Variants in CNOT1 observed in about 807,000 individuals in gnomAD.
CNOT1 encodes the protein CCR4-NOT transcription complex subunit 1.
A neutral mutation model predicts 273.8 loss-of-function variants in CNOT1; 15 were observed. The ratio of observed to expected loss-of-function variants is 0.05; its 90% confidence interval spans 0.04 to 0.08. The LOEUF (loss-of-function observed/expected upper bound fraction) is 0.08, where lower values mean the gene tolerates loss of function less well. Ranked by LOEUF, CNOT1 falls within the 10% of genes least tolerant of loss-of-function variation. The pLI is 1.00. For synonymous variants in CNOT1, 1,022 were observed against 1,005.5 expected, an observed-to-expected ratio of 1.02 and a Z score of -0.31; for missense variants, 1,644 against 2,912.2, an observed-to-expected ratio of 0.56 and a Z score of 10.02.
intron 22 of CNOT1, among the ~76,000 whole-genome samples, chr16:58,553,177 T>C (rs1345920579): frequency 6.6e-6 from 1 of 151,810 alleles, no homozygotes; most frequent in Non-Finnish European, 1.5e-5. Flanking sequence ...GAAGCTGAGG[T>C]GGGAGAATCA....
intron 1 of CNOT1, chr16:58,623,368 G>C (rs1157532440): frequency 6.6e-6 from 1 of 152,098 alleles, no homozygotes; most frequent in Non-Finnish European, 1.5e-5. Flanking sequence ...TTGACTGATA[G>C]CTTGGCAACT....
intron 19 of CNOT1, 111 bp downstream of exon 19, chr16:58,556,736 C>T: frequency 7.0e-7 from 1 of 1,425,730 alleles, no homozygotes; most frequent in Non-Finnish European, 9.2e-7. Context: ...GAATTTATTC[C>T]CATTGGTCTA....
chr16:58,604,093 TC>T (rs2042577579), intron 1 of CNOT1, among the ~76,000 whole-genome samples: 1 of 152,200 alleles, frequency 6.6e-6, no homozygotes, highest in Non-Finnish European at 1.5e-5. Flanking sequence ...ATACTGCTAG[TC>T]ATATACAACA....
intron 1 of CNOT1, among the ~76,000 whole-genome samples, chr16:58,618,512 G>A (rs2043177119): frequency 6.6e-6 from 1 of 151,960 alleles, no homozygotes; most frequent in Admixed American, 6.6e-5. Context: ...GAACCCAGGA[G>A]GCAGATGTTG....
In CNOT1 at chr16:58,586,436, AGGGCAGGGAGGAGGGGAGGGTGAGGGG is replaced by A. The variant is rs2041874465; in HGVS notation, c.637+82_637+108del. On this transcript the variant is annotated intron_variant, in intron 7 of 48. Coordinates refer to ENST00000317147, the MANE Select transcript of CNOT1 (RefSeq NM_016284.5). The stretch of plus-strand genomic sequence containing the variant: ...GGGAGGGCAGGGAGGAGGGGAGGGG[AGGGCAGGGAGGAGGGGAGGGTGAGGGG>A]AGGGGAGGGGGGAATGCTTTTGTGA... 5.8e-4 allele frequency: 55 copies of A among 94,694 alleles called. 6 individuals carry two copies. Among genetic ancestry groups the A allele is most frequent in the Non-Finnish European group, 8.8e-4 (45 of 51,192 alleles). 5.9% of individuals were successfully genotyped at this position (94,694 alleles called of 1,614,324 possible).
At chr16:58,538,944 T>A (rs748849861) in intron 35 of CNOT1, 30 bp from the exon 36 acceptor site, 2 of 1,605,858 alleles carry the variant, frequency 1.2e-6, no homozygotes, top group Non-Finnish European at 8.5e-7. Flanking sequence ...TTCAAAACCA[T>A]GAAAAATACA....
At chr16:58,561,971 T>C (rs1477830273) in intron 16 of CNOT1, among the ~76,000 whole-genome samples, 1 of 151,792 alleles carries the variant, frequency 6.6e-6, no homozygotes, top group East Asian at 1.9e-4. Context: ...AGTCAGAAAC[T>C]CAGGTCAGAA....
chr16:58,596,572 G>A (rs1370524500), intron 2 of CNOT1, among the ~76,000 whole-genome samples: 2 of 151,936 alleles, frequency 1.3e-5, no homozygotes, highest in Non-Finnish European at 2.9e-5. Flanking sequence ...CAGAAGGTGG[G>A]GGCAAAGGTA....
At chr16:58,578,976 A>T (rs2041560542) in intron 12 of CNOT1, 37 bp from the exon 13 acceptor site, 1 of 1,604,204 alleles carries the variant, frequency 6.2e-7, no homozygotes, top group African/African-American at 1.3e-5. Flanking sequence ...TATCAATGAA[A>T]ATCCAAGTAT....
At chr16:58,537,831 T>A in intron 38 of CNOT1, 60 bp downstream of exon 38, 1 of 1,597,628 alleles carries the variant, frequency 6.3e-7, no homozygotes, top group East Asian at 2.2e-5. Flanking sequence ...TGCATATTCA[T>A]TCCTAAAGAT....
At chr16:58,564,084 A>C (rs982835912) in intron 16 of CNOT1, among the ~76,000 whole-genome samples, 11 of 152,226 alleles carry the variant, frequency 7.2e-5, no homozygotes, top group Non-Finnish European at 1.3e-4. Flanking sequence ...AGGATATAAG[A>C]TCAAGAAGCA....
chr16:58,529,207 T>C (rs1567387024), intron 43 of CNOT1, among the ~76,000 whole-genome samples: 5 of 152,082 alleles, frequency 3.3e-5, no homozygotes, highest in Admixed American at 6.5e-5. Context: ...TCAGTGGAAA[T>C]AGAACACCTT....
chr16:58,627,823 G>T (rs1347841217), intron 1 of CNOT1, among the ~76,000 whole-genome samples: 1 of 152,086 alleles, frequency 6.6e-6, no homozygotes, highest in Non-Finnish European at 1.5e-5. Flanking sequence ...ACATGTCTTT[G>T]CGCCTTCATT....
intron 1 of CNOT1, among the ~76,000 whole-genome samples, chr16:58,622,207 G>A (rs564328944): frequency 6.7e-5 from 10 of 149,764 alleles, no homozygotes; most frequent in African/African-American, 2.4e-4. Flanking sequence ...CCAGTTACTA[G>A]GGATGCTGAG....
At chr16:58,528,205 G>T (rs571675207) in intron 44 of CNOT1, 1 of 527,722 alleles carries the variant, frequency 1.9e-6, no homozygotes, top group African/African-American at 1.9e-5. Flanking sequence ...CACCTAAGCT[G>T]TGGTTCTGTA....
At chr16:58,603,779 C>G (rs950856413) in intron 1 of CNOT1, among the ~76,000 whole-genome samples, 1 of 152,052 alleles carries the variant, frequency 6.6e-6, no homozygotes, top group African/African-American at 2.4e-5. Flanking sequence ...CAAACATCAC[C>G]TTCTCAGTGA....
intron 8 of CNOT1, among the ~76,000 whole-genome samples, chr16:58,583,652 C>A (rs2151977551): frequency 6.6e-6 from 1 of 152,188 alleles, no homozygotes; most frequent in East Asian, 1.9e-4. Context: ...GCAACCTCTG[C>A]CTCAGCCTCC....
intron 12 of CNOT1, 68 bp downstream of exon 12, chr16:58,580,561 GCTTA>G (rs2041622980): frequency 1.3e-6 from 2 of 1,540,460 alleles, no homozygotes; most frequent in African/African-American, 2.8e-5. Context: ...TATGTACTTG[GCTTA>G]CTATTAACTT....
intron 25 of CNOT1, chr16:58,548,368 T>C (rs1597437388): frequency 2.4e-6 from 1 of 418,190 alleles, no homozygotes; most frequent in East Asian, 5.9e-5. Flanking sequence ...TACTCTGTGG[T>C]ACCTCTTGAC....
Sources: allele counts gnomAD v4.1 joint callset (sites outside exome capture counted in the v4.1 genomes callset), GRCh38; gene constraint gnomAD v4.1.1; transcripts MANE v1.5; gene names NCBI Gene and HGNC (gene_info 2026-07-23, HGNC 2026-07-21).